The following ATP10D variants were observed in gnomAD, a reference collection of about 807,000 sequenced individuals.
The protein encoded by ATP10D is ATPase phospholipid transporting 10D (putative).
A neutral mutation model predicts 144.8 loss-of-function variants in ATP10D; 89 were observed. The ratio of observed to expected loss-of-function variants is 0.61; its 90% confidence interval spans 0.52 to 0.73. ATP10D has a LOEUF of 0.73. Among genes scored for constraint, ATP10D ranks in the 30% least tolerant of loss-of-function variants. The pLI, the probability that ATP10D is intolerant of heterozygous loss-of-function variation, is 0.00. For missense variants in ATP10D, 1,603 were observed against 1,714.8 expected, an observed-to-expected ratio of 0.93 and a Z score of 1.15; for synonymous variants, 571 against 615.1, an observed-to-expected ratio of 0.93 and a Z score of 1.06.
intron 3 of ATP10D, among the ~76,000 whole-genome samples, chr4:47,522,378 T>C (rs965149267): frequency 6.6e-6 from 1 of 152,200 alleles, no homozygotes; most frequent in African/African-American, 2.4e-5. Context: ...AGGAATTACT[T>C]TGTATCTGAA....
At chr4:47,534,738 C>T (rs1387386437) in intron 5 of ATP10D, among the ~76,000 whole-genome samples, 1 of 152,068 alleles carries the variant, frequency 6.6e-6, no homozygotes, top group Non-Finnish European at 1.5e-5. Context: ...CTAAGTTATC[C>T]TAAATACAGT....
At chr4:47,510,667 G>C (rs1342285600) in intron 1 of ATP10D, among the ~76,000 whole-genome samples, 1 of 152,120 alleles carries the variant, frequency 6.6e-6, no homozygotes, top group African/African-American at 2.4e-5. Context: ...CCACAAATTA[G>C]CAGAAGTTAA....
At chr4:47,516,209 A>C (rs1352554264) in intron 3 of ATP10D, among the ~76,000 whole-genome samples, 1 of 151,618 alleles carries the variant, frequency 6.6e-6, no homozygotes, top group Non-Finnish European at 1.5e-5. Context: ...CAGCCACTGC[A>C]TTCCATCCTG....
chr4:47,502,855 A>G (rs1715783436), intron 1 of ATP10D, among the ~76,000 whole-genome samples: 1 of 152,108 alleles, frequency 6.6e-6, no homozygotes, highest in Non-Finnish European at 1.5e-5. Context: ...ATGTCTTTCA[A>G]AATAAACATG....
chr4:47,551,960 C>T (rs1303185782), intron 10 of ATP10D, among the ~76,000 whole-genome samples: 1 of 152,212 alleles, frequency 6.6e-6, no homozygotes, highest in African/African-American at 2.4e-5. Flanking sequence ...GTGGGACAAA[C>T]TAAAGTAGAA....
chr4:47,522,263 A>G (rs1485240014), intron 3 of ATP10D, among the ~76,000 whole-genome samples: 2 of 152,338 alleles, frequency 1.3e-5, no homozygotes, highest in East Asian at 3.9e-4. Context: ...TGTATCGTGG[A>G]GCATAATGGT....
At position 47,522,998 on chromosome 4, in the gene ATP10D, T is replaced by G. The variant is rs1188448931; in HGVS notation, c.486-14T>G. The G allele has an allele frequency of 1.0e-5, 16 of 1,576,890 alleles. No individual in the cohort carries two copies. Among genetic ancestry groups the G allele is most frequent in the Non-Finnish European group, 1.3e-5 (15 of 1,160,602 alleles). ...TGATATTCTTTTTTTTTTTTAACTT[T>G]TTTTTAATTACAGGAAAGAGAAAAA... On this transcript the variant is annotated splice_polypyrimidine_tract_variant and intron_variant, in intron 3 of 22. Transcript: ENST00000273859.
intron 5 of ATP10D, among the ~76,000 whole-genome samples, chr4:47,533,200 GA>G (rs139979863): frequency 0.052 from 7,806 of 149,546 alleles, 279 homozygotes; most frequent in East Asian, 0.12. Context: ...CTAGGGATAA[GA>G]AAAAAAAAAT....
Position 47,536,698 on chromosome 4 carries a change from A to C in ATP10D, c.1156A>C (p.Ile386Leu). The change falls in exon 9 of 23, where the codon ATT (isoleucine) becomes CTT (leucine). Residue 386 changes from isoleucine to leucine, a missense_variant. Transcript: ENST00000273859. The part of the protein sequence containing the change: ...MIILLQVLIP[I>L]SLYVSIEIVK... ...TGGATCTTCTTAGGTCTTGATTCCT[A>C]TTTCTCTCTATGTTTCCATCGAAAT... 1 of 1,608,728 alleles carries C rather than the reference A, an allele frequency of 6.2e-7. No homozygotes were observed. Among genetic ancestry groups the C allele is most frequent in the Non-Finnish European group, 8.5e-7 (1 of 1,178,140 alleles).
Position 47,591,305 on chromosome 4 carries a change from A to G in ATP10D, c.4205A>G (p.Glu1402Gly). Residue 1402 changes from glutamate to glycine, a missense_variant, in exon 23 of 23, where the codon GAA (glutamate) becomes GGA (glycine). Coordinates refer to ENST00000273859, the MANE Select transcript of ATP10D (RefSeq NM_020453.4). The stretch of plus-strand genomic sequence containing the variant: ...GAGCAAGGAAACTTATCTCTGTGTG[A>G]AACTGCTTTAGATCAAGGCTACTCT... Reference protein sequence around the residue: ...AIEQGNLSLCETALDQGYSET... With the variant: ...AIEQGNLSLCGTALDQGYSET... 1 of 1,612,748 alleles carries G rather than the reference A, an allele frequency of 6.2e-7. No homozygotes were observed. The highest frequency in any genetic ancestry group is 8.5e-7 in the Non-Finnish European group (1 of 1,178,764).
intron 1 of ATP10D, among the ~76,000 whole-genome samples, chr4:47,494,720 A>G (rs1366058295): frequency 6.6e-6 from 1 of 152,078 alleles, no homozygotes; most frequent in East Asian, 1.9e-4. Context: ...CACTGACTTT[A>G]ATTTTCTAAA....
At chr4:47,537,061 C>A in intron 9 of ATP10D, 123 bp downstream of exon 9, 2 of 1,129,038 alleles carry the variant, frequency 1.8e-6, no homozygotes, top group Non-Finnish European at 2.5e-6. Flanking sequence ...GTACTTAATG[C>A]TTCCAGATGG....
At chr4:47,501,926 A>G (rs1000692449) in intron 1 of ATP10D, among the ~76,000 whole-genome samples, 1 of 152,222 alleles carries the variant, frequency 6.6e-6, no homozygotes, top group Non-Finnish European at 1.5e-5. Context: ...TTTTAGAAGC[A>G]TGTAGGATCA....
chr4:47,508,338 A>G lies in ATP10D; in HGVS notation c.-37-4166A>G, dbSNP rs146912722. Among the ~76,000 whole-genome samples, 39 of 152,290 alleles carry G rather than the reference A, an allele frequency of 2.6e-4. 1 individual carries two copies. Among genetic ancestry groups the G allele is most frequent in the African/African-American group, 8.9e-4 (37 of 41,576 alleles). ...CTGAGCATTTACTTGGACAACTTTA[A>G]ATTGAAAGCTTTGGACCTAAGCCCA... On this transcript the variant is annotated intron_variant, in intron 1 of 22. Transcript: ENST00000273859.
At chr4:47,486,371 C>T (rs1714758815) in intron 1 of ATP10D, among the ~76,000 whole-genome samples, 2 of 152,216 alleles carry the variant, frequency 1.3e-5, no homozygotes, top group African/African-American at 4.8e-5. Flanking sequence ...TCTTTTCATG[C>T]TGGTTCTAAG....
At chr4:47,571,277 T>TACATTATAATTATATTTATC (rs1719936390) in intron 16 of ATP10D, among the ~76,000 whole-genome samples, 1 of 148,438 alleles carries the variant, frequency 6.7e-6, no homozygotes, top group African/African-American at 2.4e-5. Context: ...TATAATTTAT[T>TACATTATAATTATATTTATC]ACATTATAAT....
intron 4 of ATP10D, 108 bp downstream of exon 4, chr4:47,523,324 G>C: frequency 1.1e-6 from 1 of 902,992 alleles, no homozygotes; most frequent in South Asian, 1.6e-5. Flanking sequence ...TTTTCACCAG[G>C]ATGAAATAGA....
chr4:47,494,584 T>C (rs1715257463), intron 1 of ATP10D, among the ~76,000 whole-genome samples: 1 of 147,472 alleles, frequency 6.8e-6, no homozygotes, highest in African/African-American at 2.5e-5. Context: ...TGATGTTGAA[T>C]GTGGTCATTT....
At chr4:47,522,849 G>A (rs529973208) in intron 3 of ATP10D, among the ~76,000 whole-genome samples, 163 bp from the exon 4 acceptor site, 3 of 152,180 alleles carry the variant, frequency 2.0e-5, no homozygotes, top group Admixed American at 6.5e-5. Context: ...GATTACAGGC[G>A]TGAGCCAACT....
Sources: allele counts gnomAD v4.1 joint callset (sites outside exome capture counted in the v4.1 genomes callset), GRCh38; gene constraint gnomAD v4.1.1; transcripts MANE v1.5; gene names NCBI Gene and HGNC (gene_info 2026-07-23, HGNC 2026-07-21).